WDR27: variants seen among roughly 807,000 people sequenced by gnomAD.
WDR27 encodes the protein WD repeat-containing protein 27.
A neutral mutation model predicts 114.4 loss-of-function variants in WDR27; 100 were observed. The ratio of observed to expected loss-of-function variants is 0.87; its 90% CI spans 0.74 to 1.03. The LOEUF (loss-of-function observed/expected upper bound fraction) is 1.03, where lower values mean the gene tolerates loss of function less well. Among genes scored for constraint, WDR27 ranks in the 50% least tolerant of loss-of-function variants. The probability of loss-of-function intolerance (pLI) is 0.00; values close to 1 mark genes in which losing one functional copy is unlikely to be tolerated. For synonymous variants in WDR27, 449 were observed against 423.1 expected (o/e 1.06, Z -0.75); for missense variants, 1,129 against 1,092.9 (o/e 1.03, Z -0.47).
At chr6:169,450,622 G>A in the WDR27 span, among the ~76,000 whole-genome samples, 1 of 152,176 alleles carries the variant, frequency 6.6e-6, no homozygotes, top group African/African-American at 2.4e-5. Context: ...CCCACAGAAC[G>A]TCTCTGCCCC....
chr6:169,579,736 G>T (rs1462526007), intron 24 of WDR27, among the ~76,000 whole-genome samples: 1 of 152,146 alleles, frequency 6.6e-6, no homozygotes, highest in Non-Finnish European at 1.5e-5. Flanking sequence ...ATATAATTAA[G>T]AGTGGGTATA....
chr6:169,435,984 T>C, the WDR27 span, among the ~76,000 whole-genome samples: 1 of 152,250 alleles, frequency 6.6e-6, no homozygotes, highest in African/African-American at 2.4e-5. Context: ...TTATTATGTT[T>C]TACTCATAAT....
intron 2 of WDR27, among the ~76,000 whole-genome samples, chr6:169,685,593 T>C (rs1232063911): frequency 1.3e-5 from 2 of 152,156 alleles, no homozygotes; most frequent in Non-Finnish European, 2.9e-5. Flanking sequence ...AACAACTAGA[T>C]TAAGCAACTA....
Position 169,480,232 on chromosome 6 carries a change from G to A in WDR27, c.2646-22598C>T, listed in dbSNP as rs183408979. ...GTCCCCTAGCACTGCCAGCCTGCCC[G>A]TGCCATGCTCGAATTCTCGCCAGGC... is the stretch of plus-strand genomic sequence containing the variant. On this transcript the variant is annotated intron_variant, in intron 25 of 25. Coordinates refer to ENST00000448612, the MANE Select transcript of WDR27 (RefSeq NM_182552.5). 3.8e-4 allele frequency among the ~76,000 whole-genome samples: 58 copies of A among 152,318 alleles called. No homozygotes were observed. The East Asian group carries it at 7.2e-3, about 19-fold the overall frequency.
chr6:169,545,067 T>C (rs1282766537), intron 25 of WDR27, among the ~76,000 whole-genome samples: 2 of 152,236 alleles, frequency 1.3e-5, no homozygotes, highest in Non-Finnish European at 2.9e-5. Context: ...TTCTAATATT[T>C]ATCTGGAATG....
In WDR27 at chr6:169,537,466, G is replaced by C. The variant is rs79181051; in HGVS notation, c.2645+34953C>G. ...AGAAAATCTCTGCAAAACCATCCTA[G>C]TCAGGAAGAATAGCACATGCCAAAC... is the stretch of plus-strand genomic sequence containing the variant. On this transcript the variant is annotated intron_variant, in intron 25 of 25. Transcript: ENST00000448612. Among the ~76,000 whole-genome samples, 469 of 152,300 alleles carry C rather than the reference G, an allele frequency of 3.1e-3. 5 individuals are homozygous for C. The highest frequency in any genetic ancestry group is 0.027 in the East Asian group (138 of 5,182).
At chr6:169,448,918 T>C in the WDR27 span, among the ~76,000 whole-genome samples, 1 of 152,184 alleles carries the variant, frequency 6.6e-6, no homozygotes, top group Non-Finnish European at 1.5e-5. Flanking sequence ...CAAGAGTGCA[T>C]GCAGCCTCTA....
chr6:169,487,362 T>C (rs1789071060), intron 25 of WDR27, among the ~76,000 whole-genome samples: 1 of 152,192 alleles, frequency 6.6e-6, no homozygotes, highest in Non-Finnish European at 1.5e-5. Flanking sequence ...ATCTACCTGC[T>C]AGCTCCATGT....
chr6:169,436,821 A>C, the WDR27 span, among the ~76,000 whole-genome samples: 3 of 152,260 alleles, frequency 2.0e-5, no homozygotes, highest in South Asian at 6.2e-4. Context: ...GACAAAAGGC[A>C]TGTTGGTCAA....
At chr6:169,442,160 C>T in the WDR27 span, among the ~76,000 whole-genome samples, 1 of 152,222 alleles carries the variant, frequency 6.6e-6, no homozygotes, top group African/African-American at 2.4e-5. Flanking sequence ...TAAATGGATC[C>T]TCATCTCTGT....
intron 25 of WDR27, among the ~76,000 whole-genome samples, chr6:169,469,592 G>A (rs1007339088): frequency 3.3e-5 from 5 of 152,168 alleles, no homozygotes; most frequent in Admixed American, 1.3e-4. Flanking sequence ...GGGAATTAGC[G>A]CTGCCTGATG....
intron 4 of WDR27, chr6:169,670,336 C>T: frequency 2.6e-6 from 1 of 380,236 alleles, no homozygotes; most frequent in Non-Finnish European, 4.6e-6. Context: ...TCATACCTGA[C>T]ACCCAGATTC....
At chr6:169,545,575 G>A (rs78822692) in intron 25 of WDR27, among the ~76,000 whole-genome samples, 3,126 of 152,138 alleles carry the variant, frequency 0.021, 67 homozygotes, top group East Asian at 0.081. Flanking sequence ...CTACTCAGGA[G>A]GCTAAGGTCA....
intron 1 of WDR27, among the ~76,000 whole-genome samples, chr6:169,699,763 C>T (rs1488574358): frequency 1.3e-5 from 2 of 152,108 alleles, no homozygotes; most frequent in Admixed American, 6.5e-5. Flanking sequence ...AGAAGGATCA[C>T]TTGAGCCCAG....
intron 13 of WDR27, among the ~76,000 whole-genome samples, chr6:169,656,431 T>C (rs1330307103): frequency 1.3e-5 from 2 of 152,134 alleles, no homozygotes; most frequent in African/African-American, 4.8e-5. Context: ...CCTGGAGGTT[T>C]ATCTGACTTC....
intron 16 of WDR27, among the ~76,000 whole-genome samples, chr6:169,645,635 TCA>T (rs1174323860): frequency 6.6e-6 from 1 of 151,682 alleles, no homozygotes; most frequent in Non-Finnish European, 1.5e-5. Context: ...GTTCACAGGG[TCA>T]CACTGTAGAA....
At chr6:169,627,167 A>G (rs959014500) in intron 21 of WDR27, among the ~76,000 whole-genome samples, 8 of 152,360 alleles carry the variant, frequency 5.3e-5, no homozygotes, top group East Asian at 1.9e-4. Context: ...ATTTAGAAAC[A>G]ATGTTCATTA....
intron 6 of WDR27, chr6:169,666,686 C>T: frequency 1.0e-6 from 1 of 986,818 alleles, no homozygotes; most frequent in Non-Finnish European, 1.2e-6. Flanking sequence ...GGGAAGAACG[C>T]AAGGACCCTG....
rs566701526 is a variant in WDR27 at position 169,547,280 on chromosome 6, A to G, written c.2645+25139T>C. Among the ~76,000 whole-genome samples, 6 of 152,280 alleles carry G rather than the reference A, an allele frequency of 3.9e-5. No homozygotes were observed. In the East Asian group the frequency reaches 1.2e-3, roughly 29 times the overall value. ...AATCCAATTCTCTATAATCTCCTTT[A>G]AAGGATAGAAACAGAAAGAATGCTT... On this transcript the variant is annotated intron_variant, in intron 25 of 25. Transcript: ENST00000448612.
Sources: gnomAD v4.1 joint callset for allele counts (sites outside exome capture counted in the v4.1 genomes callset) on GRCh38, gnomAD v4.1.1 for gene constraint, MANE v1.5 for transcripts, NCBI Gene and HGNC (gene_info 2026-07-23, HGNC 2026-07-21) for gene names.